PRDM10: variants seen among roughly 807,000 people sequenced by gnomAD.
PRDM10 encodes the protein PR/SET domain 10.
A neutral mutation model predicts 133.1 loss-of-function variants in PRDM10; 65 were observed. That is an observed-to-expected ratio of 0.49 (90% CI 0.40 to 0.60). The LOEUF (loss-of-function observed/expected upper bound fraction) is 0.60, where lower values mean the gene tolerates loss of function less well. Ranked by LOEUF, PRDM10 falls within the 20% of genes least tolerant of loss-of-function variation. The probability of loss-of-function intolerance (pLI) is 0.00; values close to 1 mark genes in which losing one functional copy is unlikely to be tolerated. For synonymous variants in PRDM10, 582 were observed against 580.4 expected (o/e 1.00, Z -0.04); for missense variants, 1,137 against 1,507.1 (o/e 0.75, Z 4.07).
At chr11:129,903,749 C>T (rs1263365568) in intron 20 of PRDM10, among the ~76,000 whole-genome samples, 1 of 152,040 alleles carries the variant, frequency 6.6e-6, no homozygotes, top group African/African-American at 2.4e-5. Context: ...CTGAGTTCAC[C>T]CCCACCAGAC....
rs907710169 is a variant in PRDM10, at chr11:129,932,028, C to T, written c.1287+74G>A. Reference sequence around the variant, plus strand: ...TACAAACATTGGGAAGGTCTTTGTACTTAGGTCTCGTCAGGGATCTGGCGA... The same window carrying T: ...TACAAACATTGGGAAGGTCTTTGTATTTAGGTCTCGTCAGGGATCTGGCGA... On this transcript the variant is annotated intron_variant, in intron 10 of 20. Transcript: ENST00000360871. The T allele has an allele frequency of 9.2e-6, 14 of 1,525,782 alleles. No homozygotes were observed. The African/African-American group carries it at 1.8e-4, about 19-fold the overall frequency. 94.5% of individuals were successfully genotyped at this position (1,525,782 alleles called of 1,614,324 possible). A position where few individuals can be genotyped will look rare whatever the true frequency, so the allele number is the denominator to read the frequency against.
At chr11:129,981,791 G>A (rs1938126770) in intron 1 of PRDM10, among the ~76,000 whole-genome samples, 2 of 152,070 alleles carry the variant, frequency 1.3e-5, no homozygotes, top group Non-Finnish European at 2.9e-5. Flanking sequence ...AGCTACTCAG[G>A]AGGCTGAGCC....
intron 8 of PRDM10, 113 bp downstream of exon 8, chr11:129,937,485 G>T: frequency 1.2e-6 from 1 of 847,506 alleles, no homozygotes; most frequent in Non-Finnish European, 1.7e-6. Flanking sequence ...AAAACCTACT[G>T]GAATAACTTC....
intron 1 of PRDM10, among the ~76,000 whole-genome samples, chr11:129,963,063 C>T (rs897715703): frequency 1.3e-5 from 2 of 151,396 alleles, no homozygotes; most frequent in African/African-American, 2.4e-5. Flanking sequence ...GTGGAAGGAT[C>T]GCTTGAGTCT....
intron 1 of PRDM10, among the ~76,000 whole-genome samples, chr11:129,996,962 A>G (rs1328188614): frequency 1.3e-5 from 2 of 152,206 alleles, no homozygotes; most frequent in African/African-American, 4.8e-5. Flanking sequence ...TTACAGAAGT[A>G]ACTTGCCCAA....
chr11:129,974,350 G>A (rs1937640633), intron 1 of PRDM10, among the ~76,000 whole-genome samples: 1 of 151,896 alleles, frequency 6.6e-6, no homozygotes, highest in South Asian at 2.1e-4. Context: ...GGAAAGCAAT[G>A]GAAAAACAGA....
chr11:129,907,343 A>AATAAT (rs1950046031), intron 19 of PRDM10, among the ~76,000 whole-genome samples: 1 of 152,206 alleles, frequency 6.6e-6, no homozygotes, highest in African/African-American at 2.4e-5. Context: ...CACATATTAA[A>AATAAT]AGAAACTCAA....
Position 129,900,358 on chromosome 11 carries a change from A to AGAAGAT in PRDM10, c.*1954_*1955insATCTTC, listed in dbSNP as rs1161097665. ...ACTTAAGGACCAAAGAAGAAGAAGAAGAAGAAGAAGAAGAAGACAACTTAG... is the reference window on the plus strand; with the variant it reads ...ACTTAAGGACCAAAGAAGAAGAAGAAGAAGATGAAGAAGAAGAAGAAGACAACTTAG... On this transcript the variant is annotated 3_prime_UTR_variant, in exon 21 of 21. Transcript: ENST00000360871. The AGAAGAT allele has an allele frequency of 9.6e-4, 146 of 152,294 alleles. No individual in the cohort carries two copies. Among genetic ancestry groups the AGAAGAT allele is most frequent in the African/African-American group, 3.3e-3 (138 of 41,482 alleles). 9.4% of individuals were successfully genotyped at this position (152,294 alleles called of 1,614,324 possible). A position where few individuals can be genotyped will look rare whatever the true frequency, so the allele number is the denominator to read the frequency against.
chr11:129,908,000 T>TAG (rs1950068005), intron 19 of PRDM10, among the ~76,000 whole-genome samples: 1 of 151,980 alleles, frequency 6.6e-6, no homozygotes. Flanking sequence ...ACTGGGAGGC[T>TAG]GGGGCAGGAG....
At chr11:129,972,797 C>T (rs1952061216) in intron 1 of PRDM10, among the ~76,000 whole-genome samples, 1 of 152,174 alleles carries the variant, frequency 6.6e-6, no homozygotes, top group Admixed American at 6.5e-5. Context: ...AACAGTCCTG[C>T]ACTCTGTAGC....
At chr11:129,958,772 G>A (rs1196743441) in intron 2 of PRDM10, among the ~76,000 whole-genome samples, 3 of 152,204 alleles carry the variant, frequency 2.0e-5, no homozygotes, top group Admixed American at 6.5e-5. Flanking sequence ...CTTCCTTGCC[G>A]GGTAGGTGAA....
In PRDM10 at chr11:129,963,407, A is replaced by G. The variant is rs1303788122; in HGVS notation, c.-118-2325T>C. 6.8e-5 allele frequency among the ~76,000 whole-genome samples: 9 copies of G among 132,772 alleles called. 1 individual carries two copies. The East Asian group carries it at 3.9e-3, about 58-fold the overall frequency. The allele number at this position is 132,772 out of a possible 152,430, so 87.1% of individuals were successfully genotyped here. ...GAGAGAAGAGAAGAGAAGAGAAGAG[A>G]AGAGAAGAGAAGAGAAGAGAAGAGA... On this transcript the variant is annotated intron_variant, in intron 1 of 20. Transcript: ENST00000360871.
chr11:129,992,321 G>A (rs1201354361), intron 1 of PRDM10, among the ~76,000 whole-genome samples: 1 of 152,174 alleles, frequency 6.6e-6, no homozygotes, highest in Non-Finnish European at 1.5e-5. Flanking sequence ...CATTTATGGA[G>A]CACCTATCCC....
At chr11:129,954,010 A>C (rs1262263570) in intron 4 of PRDM10, among the ~76,000 whole-genome samples, 1 of 149,464 alleles carries the variant, frequency 6.7e-6, no homozygotes, top group East Asian at 1.9e-4. Context: ...TAAGTATTAT[A>C]AAAAATTATT....
At chr11:129,964,682 ACG>A (rs1951868852) in intron 1 of PRDM10, among the ~76,000 whole-genome samples, 1 of 152,138 alleles carries the variant, frequency 6.6e-6, no homozygotes, top group Non-Finnish European at 1.5e-5. Flanking sequence ...GCATTCATAA[ACG>A]CTTAGGTTAT....
chr11:129,982,725 A>G (rs2135972483), intron 1 of PRDM10, among the ~76,000 whole-genome samples: 1 of 152,198 alleles, frequency 6.6e-6, no homozygotes, highest in East Asian at 1.9e-4. Flanking sequence ...CCAAGGTGGG[A>G]GGATCACTTG....
intron 1 of PRDM10, among the ~76,000 whole-genome samples, chr11:129,962,362 C>G (rs577051161): frequency 6.6e-6 from 1 of 152,214 alleles, no homozygotes; most frequent in South Asian, 2.1e-4. Flanking sequence ...CTGTGCCCAA[C>G]TCTGGAAAAG....
chr11:129,957,955 T>C (rs1194390055), intron 2 of PRDM10, 45 bp from the exon 3 acceptor site: 1 of 1,558,716 alleles, frequency 6.4e-7, no homozygotes, highest in East Asian at 2.3e-5. Context: ...ATCAGGAAGG[T>C]AAGTGATCAA....
chr11:129,985,177 C>T (rs1022384593), intron 1 of PRDM10, among the ~76,000 whole-genome samples: 2 of 152,048 alleles, frequency 1.3e-5, no homozygotes, highest in Non-Finnish European at 2.9e-5. Flanking sequence ...TTGTTACTTC[C>T]CAAAACCCTC....
Sources: allele counts gnomAD v4.1 joint callset (sites outside exome capture counted in the v4.1 genomes callset), GRCh38; gene constraint gnomAD v4.1.1; transcripts MANE v1.5; gene names NCBI Gene and HGNC (gene_info 2026-07-23, HGNC 2026-07-21).